TRMT1L: variants seen among roughly 807,000 people sequenced by gnomAD.
The protein encoded by TRMT1L is tRNA methyltransferase 1L.
TRMT1L carries 28 observed loss-of-function variants against 81.6 expected under a neutral mutation model. The ratio of observed to expected loss-of-function variants is 0.34; its 90% CI spans 0.25 to 0.47. The LOEUF (loss-of-function observed/expected upper bound fraction) is 0.47. Ranked by LOEUF, TRMT1L falls within the 20% of genes least tolerant of loss-of-function variation. The probability of loss-of-function intolerance (pLI) is 1.00; values close to 1 mark genes in which losing one functional copy is unlikely to be tolerated. For missense variants in TRMT1L, 739 were observed against 877.1 expected, an observed-to-expected ratio of 0.84 and a Z score of 1.99; for synonymous variants, 301 against 303.2, an observed-to-expected ratio of 0.99 and a Z score of 0.07.
At position 185,120,162 on chromosome 1, in the gene TRMT1L, T is replaced by C. The variant is rs775742776; in HGVS notation, c.2059A>G (p.Ile687Val). 3 of 1,613,856 alleles carry C rather than the reference T, an allele frequency of 1.9e-6. No homozygotes were observed. The highest frequency in any genetic ancestry group is 8.5e-7 in the Non-Finnish European group (1 of 1,179,944). ...TDAPLMQFKS[I>V]LLKYSTPTYT... ...GTGGGGGTGCTGTACTTTAAAAGGA[T>C]AGATTTAAACTGCATCAGAGGTGCA... Residue 687 changes from isoleucine (I) to valine (V), a missense_variant, in exon 15 of 15, where the codon ATC becomes GTC. Ile to Val is a conservative substitution (Grantham distance 29). Coordinates refer to ENST00000367506, the MANE Select transcript of TRMT1L (RefSeq NM_030934.5).
At chr1:185,126,661 G>A (rs1431279571) in intron 11 of TRMT1L, among the ~76,000 whole-genome samples, 1 of 152,220 alleles carries the variant, frequency 6.6e-6, no homozygotes, top group African/African-American at 2.4e-5. Context: ...ATTGGAGGTG[G>A]TAGAGAGGGG....
Position 185,118,185 on chromosome 1 carries a change from T to C in TRMT1L, c.*1834A>G, listed in dbSNP as rs1306917108. 1 of 152,224 alleles carries C rather than the reference T, an allele frequency of 6.6e-6. No homozygotes were observed. The highest frequency in any genetic ancestry group is 1.5e-5 in the Non-Finnish European group (1 of 68,038). 9.4% of individuals were successfully genotyped at this position (152,224 alleles called of 1,614,324 possible). ...CATTTGCAATGTCCCAAATTACTAC[T>C]ATTGTTACGAGAATAAGATTGCTCA... On this transcript the variant is annotated 3_prime_UTR_variant, in exon 15 of 15. Coordinates refer to ENST00000367506, the MANE Select transcript of TRMT1L (RefSeq NM_030934.5).
intron 4 of TRMT1L, 152 bp from the exon 5 acceptor site, chr1:185,145,720 T>A (rs1363875687): frequency 1.5e-6 from 1 of 646,896 alleles, no homozygotes; most frequent in Admixed American, 3.0e-5. Context: ...TTAACTTCCT[T>A]ACCTGCATTT....
In TRMT1L at chr1:185,156,762, C is replaced by T. The variant is rs199665994; in HGVS notation, c.-50G>A. The T allele has an allele frequency of 7.5e-6, 12 of 1,605,834 alleles. No homozygotes were observed. In the African/African-American group the frequency reaches 1.2e-4, roughly 16 times the overall value. On this transcript the variant is annotated 5_prime_UTR_variant, in exon 1 of 15. In the 5' UTR this introduces an upstream ATG that the reference lacks. Coordinates refer to ENST00000367506, the MANE Select transcript of TRMT1L (RefSeq NM_030934.5). ...GCCCGGGGACCCGGAGCGGGGCTCACGGCGGGGTCAGAGAACTGACGTGAA... is the reference window on the plus strand; with the variant it reads ...GCCCGGGGACCCGGAGCGGGGCTCATGGCGGGGTCAGAGAACTGACGTGAA...
Position 185,119,966 on chromosome 1 carries a change from G to A in TRMT1L, c.*53C>T. On this transcript the variant is annotated 3_prime_UTR_variant, in exon 15 of 15. Transcript: ENST00000367506. ...CAGAAAAAGAACTACAGTTGGTATAGAGAACTATTAGGCCATCTATACAGA... is the reference window on the plus strand; with the variant it reads ...CAGAAAAAGAACTACAGTTGGTATAAAGAACTATTAGGCCATCTATACAGA... The A allele has an allele frequency of 6.4e-7, 1 of 1,562,944 alleles. No individual in the cohort carries two copies. The highest frequency in any genetic ancestry group is 8.7e-7 in the Non-Finnish European group (1 of 1,149,724).
At chr1:185,143,583 T>C in intron 6 of TRMT1L, 147 bp from the exon 7 acceptor site, 1 of 636,470 alleles carries the variant, frequency 1.6e-6, no homozygotes, top group Non-Finnish European at 2.5e-6. Flanking sequence ...AATTTAATAC[T>C]ATAAGAACTA....
At chr1:185,153,854 C>T (rs1476341823) in intron 1 of TRMT1L, among the ~76,000 whole-genome samples, 1 of 152,292 alleles carries the variant, frequency 6.6e-6, no homozygotes, top group Admixed American at 6.5e-5. Flanking sequence ...AATTTAAAAC[C>T]TTGAGACTTT....
chr1:185,147,428 T>C (rs1017354530), intron 3 of TRMT1L, among the ~76,000 whole-genome samples, 182 bp from the exon 4 acceptor site: 2 of 152,206 alleles, frequency 1.3e-5, no homozygotes, highest in Non-Finnish European at 2.9e-5. Context: ...TGTATGCATA[T>C]ATACATATGT....
intron 10 of TRMT1L, among the ~76,000 whole-genome samples, chr1:185,132,480 C>T (rs570832178): frequency 6.6e-6 from 1 of 151,338 alleles, no homozygotes; most frequent in Non-Finnish European, 1.5e-5. Context: ...TATCATGCCA[C>T]TGCACTCCAG....
chr1:185,140,403 C>A (rs1030242269), intron 7 of TRMT1L, among the ~76,000 whole-genome samples, 181 bp from the exon 8 acceptor site: 1 of 152,174 alleles, frequency 6.6e-6, no homozygotes, highest in African/African-American at 2.4e-5. Context: ...ATCTGTCTAA[C>A]AGATTTTAAC....
At chr1:185,128,556 T>C (rs924746378) in intron 11 of TRMT1L, 113 bp downstream of exon 11, 9 of 1,006,332 alleles carry the variant, frequency 8.9e-6, no homozygotes, top group Non-Finnish European at 1.4e-5. Flanking sequence ...ATTATTTGCC[T>C]AGACTTAACA....
chr1:185,156,219 A>G (rs1423696597), intron 1 of TRMT1L, among the ~76,000 whole-genome samples: 1 of 151,840 alleles, frequency 6.6e-6, no homozygotes, highest in African/African-American at 2.4e-5. Flanking sequence ...AAAGCCCTTA[A>G]CCTCATTATT....
chr1:185,156,425 A>G, intron 1 of TRMT1L, 53 bp downstream of exon 1: 2 of 1,613,236 alleles, frequency 1.2e-6, no homozygotes, highest in African/African-American at 2.7e-5. Context: ...ACTTCCCAGC[A>G]AGGCGCACTT....
At chr1:185,125,210 T>C in intron 11 of TRMT1L, 100 bp from the exon 12 acceptor site, 1 of 742,072 alleles carries the variant, frequency 1.3e-6, no homozygotes, top group Non-Finnish European at 2.0e-6. Flanking sequence ...TATAATTAAT[T>C]ATATGACAGA....
At chr1:185,147,850 A>C (rs1261326837) in intron 3 of TRMT1L, among the ~76,000 whole-genome samples, 2 of 152,204 alleles carry the variant, frequency 1.3e-5, no homozygotes, top group Non-Finnish European at 2.9e-5. Flanking sequence ...TTCATTCCTA[A>C]GAGCCAGATT....
rs1388189339 is a variant in TRMT1L at position 185,128,538 on chromosome 1, G to C, written c.1592+131C>G. 6 of 793,964 alleles carry C rather than the reference G, an allele frequency of 7.6e-6. No homozygotes were observed. In the East Asian group the frequency reaches 1.5e-4, roughly 20 times the overall value. 49.2% of individuals were successfully genotyped at this position (793,964 alleles called of 1,614,324 possible). On this transcript the variant is annotated intron_variant, in intron 11 of 14. Coordinates refer to ENST00000367506, the MANE Select transcript of TRMT1L (RefSeq NM_030934.5). ...ACACCTCAGGTTCATAGGAGGAGAA[G>C]AGTCATAATTATTTGCCTAGACTTA...
At position 185,120,196 on chromosome 1, in the gene TRMT1L, T is replaced by C; in HGVS notation, c.2025A>G (p.Val675=). ...ACTGCATCAGAGGTGCATCTGTGCG[T>C]ACACCCATTGGGTCAAAATGAGTTC... ...VSRTHFDPMG[V]RTDAPLMQFK... is the part of the protein sequence containing the mutation. Residue 675 remains valine, a synonymous_variant, in exon 15 of 15, where the codon GTA becomes GTG. Transcript: ENST00000367506. The C allele has an allele frequency of 6.2e-7, 1 of 1,613,060 alleles. No individual in the cohort carries two copies. The highest frequency in any genetic ancestry group is 1.7e-5 in the Admixed American group (1 of 59,988).
At position 185,118,109 on chromosome 1, in the gene TRMT1L, A is replaced by T. The variant is rs1178121485; in HGVS notation, c.*1910T>A. On this transcript the variant is annotated 3_prime_UTR_variant, in exon 15 of 15. Coordinates refer to ENST00000367506, the MANE Select transcript of TRMT1L (RefSeq NM_030934.5). ...GTTTCCTTAACTCGTTCTTTTGTTT[A>T]TCAAGTTTTAATGAAAGGATACAAC... is the stretch of plus-strand genomic sequence containing the variant. The T allele has an allele frequency of 6.6e-6, 1 of 152,220 alleles. No homozygotes were observed. The highest frequency in any genetic ancestry group is 1.5e-5 in the Non-Finnish European group (1 of 68,030). 9.4% of individuals were successfully genotyped at this position (152,220 alleles called of 1,614,324 possible).
chr1:185,137,345 G>A (rs1458306031), intron 10 of TRMT1L: 1 of 509,670 alleles, frequency 2.0e-6, no homozygotes, highest in Non-Finnish European at 3.5e-6. Flanking sequence ...AAAATTAGTT[G>A]AGAGTGGAAA....
Sources: allele counts gnomAD v4.1 joint callset (sites outside exome capture counted in the v4.1 genomes callset), GRCh38; gene constraint gnomAD v4.1.1; transcripts MANE v1.5; gene names NCBI Gene and HGNC (gene_info 2026-07-23, HGNC 2026-07-21).